MDGA1: variants seen among roughly 807,000 people sequenced by gnomAD.
MDGA1 encodes the protein MAM domain-containing glycosylphosphatidylinositol anchor protein 1.
A neutral mutation model predicts 101.5 loss-of-function variants in MDGA1; 54 were observed. The observed-to-expected ratio is 0.53, with a 90% CI of 0.43 to 0.67. The LOEUF is 0.67. MDGA1 is among the 30% of genes least tolerant of loss of function. MDGA1 has a pLI of 0.00. For missense variants in MDGA1, 1,083 were observed against 1,323.8 expected, an observed-to-expected ratio of 0.82 and a Z score of 2.82; for synonymous variants, 533 against 558.3, an observed-to-expected ratio of 0.95 and a Z score of 0.64.
chr6:37,675,154 T>C (rs1249864917), intron 1 of MDGA1, among the ~76,000 whole-genome samples: 1 of 152,214 alleles, frequency 6.6e-6, no homozygotes, highest in Non-Finnish European at 1.5e-5. Context: ...CACTGCTTGA[T>C]CAGAGGCTTT....
intron 14 of MDGA1, among the ~76,000 whole-genome samples, chr6:37,643,551 C>G (rs1209278197): frequency 6.6e-6 from 1 of 152,212 alleles, no homozygotes; most frequent in Non-Finnish European, 1.5e-5. Flanking sequence ...GGATTACAGG[C>G]GTGAGCCACC....
intron 9 of MDGA1, 34 bp downstream of exon 9, chr6:37,648,948 G>A (rs376880087): frequency 9.0e-5 from 139 of 1,540,338 alleles, no homozygotes; most frequent in Admixed American, 4.0e-5. Flanking sequence ...CCTGGTGGGC[G>A]TGGTAGGTGG....
At chr6:37,675,664 C>A (rs905817016) in intron 1 of MDGA1, among the ~76,000 whole-genome samples, 1 of 152,152 alleles carries the variant, frequency 6.6e-6, no homozygotes, top group African/African-American at 2.4e-5. Context: ...CCCATCAGGG[C>A]AGAGAATGAC....
rs755135410 is a variant in MDGA1, at chr6:37,654,287, G to C, written c.969C>G (p.Asn323Lys). Residue 323 changes from asparagine (N) to lysine (K), a missense_variant, in exon 6 of 17, where the codon AAC (asparagine) becomes AAG (lysine). Around this residue, in one of 3 missense-constraint regions of MDGA1, gnomAD observed 116 missense variants for 196.6 expected, o/e 0.59. Transcript: ENST00000434837. ...GAGGCCACGTACATCGCACCAGCAG[G>C]TTGACAGTCTTCTTGGCAGGGTTGC... ...NVGNPAKKTVNLLVRSMKNAT... is the reference protein window; with the variant it reads ...NVGNPAKKTVKLLVRSMKNAT... The C allele has an allele frequency of 2.6e-6, 4 of 1,553,482 alleles. No homozygotes were observed. Among genetic ancestry groups the C allele is most frequent in the South Asian group, 1.2e-5 (1 of 80,272 alleles).
rs749167602 is a variant in MDGA1 at position 37,637,345 on chromosome 6, G to T, written c.*23C>A. On this transcript the variant is annotated 3_prime_UTR_variant, in exon 17 of 17. Coordinates refer to ENST00000434837, the MANE Select transcript of MDGA1 (RefSeq NM_153487.4). ...CTTTGGTGTGCCGGGGGCAAGGTTG[G>T]GGGGGTGGCCACACAGCTCTCATCA... The T allele has an allele frequency of 3.1e-6, 5 of 1,589,764 alleles. No homozygotes were observed. The highest frequency in any genetic ancestry group is 2.2e-5 in the East Asian group (1 of 44,586).
rs1052006526 is a variant in MDGA1 at position 37,634,072 on chromosome 6, G to A, written c.*3296C>T. 2.0e-5 allele frequency: 3 copies of A among 153,016 alleles called. No homozygotes were observed. Among genetic ancestry groups the A allele is most frequent in the Non-Finnish European group, 4.4e-5 (3 of 68,378 alleles). The allele number at this position is 153,016 out of a possible 1,614,324, so 9.5% of individuals were successfully genotyped here. A position where few individuals can be genotyped will look rare whatever the true frequency, so the allele number is the denominator to read the frequency against. ...GGGTGGAAGGAGCATTCCAGGAGGA[G>A]GGGGCTTGGTCTTCAGGCTTCACTC... On this transcript the variant is annotated 3_prime_UTR_variant, in exon 17 of 17. Coordinates refer to ENST00000434837, the MANE Select transcript of MDGA1 (RefSeq NM_153487.4). The surrounding 1 kb of genome is among the most constrained non-coding windows in gnomAD (Gnocchi z 4.7).
intron 14 of MDGA1, among the ~76,000 whole-genome samples, chr6:37,641,532 G>A (rs1009520138): frequency 3.9e-5 from 6 of 152,120 alleles, no homozygotes; most frequent in Admixed American, 6.5e-5. Flanking sequence ...CTCCCCTTTC[G>A]CTATCTTGAC....
intron 1 of MDGA1, among the ~76,000 whole-genome samples, chr6:37,687,608 T>C (rs1050591396): frequency 5.3e-5 from 8 of 152,120 alleles, no homozygotes; most frequent in Non-Finnish European, 8.8e-5. Context: ...AATTGCTACT[T>C]TGTTCTCCAG....
chr6:37,643,728 G>C, intron 14 of MDGA1, 81 bp downstream of exon 14: 1 of 1,573,492 alleles, frequency 6.4e-7, no homozygotes, highest in Non-Finnish European at 8.6e-7. Context: ...ACATGGGCCA[G>C]CCCATCGCCT....
At position 37,650,321 on chromosome 6, in the gene MDGA1, C is replaced by A; in HGVS notation, c.1397G>T (p.Arg466Leu). Reference sequence around the variant, plus strand: ...GAGCACTGGCGGCCGCGGCTTGCCCCGCACCTCGCATTGCAGCTCGGCAGG... The same window carrying A: ...GAGCACTGGCGGCCGCGGCTTGCCCAGCACCTCGCATTGCAGCTCGGCAGG... Reference protein sequence around the residue: ...GSPAELQCEVRGKPRPPVLWS... With the variant: ...GSPAELQCEVLGKPRPPVLWS... Residue 466 changes from arginine to leucine, a missense_variant, in exon 8 of 17, where the codon CGG (arginine) becomes CTG (leucine). Physicochemically the swap from Arg to Leu is moderately radical, Grantham distance 102. Transcript: ENST00000434837. 1 of 1,588,902 alleles carries A rather than the reference C, an allele frequency of 6.3e-7. No individual in the cohort carries two copies. Among genetic ancestry groups the A allele is most frequent in the Middle Eastern group, 1.9e-4 (1 of 5,308 alleles).
At chr6:37,657,441 T>G (rs1327845555) in intron 3 of MDGA1, among the ~76,000 whole-genome samples, 2 of 152,220 alleles carry the variant, frequency 1.3e-5, no homozygotes, top group Non-Finnish European at 2.9e-5. Context: ...GTCCAGGCTA[T>G]GCCTGCCAGC....
intron 1 of MDGA1, among the ~76,000 whole-genome samples, chr6:37,680,906 A>T (rs890504793): frequency 3.3e-5 from 5 of 152,164 alleles, no homozygotes; most frequent in Non-Finnish European, 5.9e-5. Context: ...AACCAAATCC[A>T]CAACTGAGCT....
At position 37,654,816 on chromosome 6, in the gene MDGA1, C is replaced by T. The variant is rs373439257; in HGVS notation, c.696G>A (p.Arg232=). 33 of 1,613,598 alleles carry T rather than the reference C, an allele frequency of 2.0e-5. 1 individual carries two copies. The South Asian group carries it at 2.5e-4, about 12-fold the overall frequency. ...CGIPDKAITF[R]LTNTTAPPAL... ...TGCCTGTACCCGTGGTGTTGGTGAG[C>T]CGGAAGGTGATGGCCTTGTCTGGGA... is the stretch of plus-strand genomic sequence containing the variant. Residue 232 remains arginine (R), a synonymous_variant, in exon 5 of 17, where the codon CGG becomes CGA. Transcript: ENST00000434837.
chr6:37,672,298 T>A (rs542661833), intron 1 of MDGA1, among the ~76,000 whole-genome samples: 1,632 of 150,120 alleles, frequency 0.011, 29 homozygotes, highest in African/African-American at 0.037. Context: ...AAAAAAAAAA[T>A]TTTAATGAGC....
intron 1 of MDGA1, among the ~76,000 whole-genome samples, chr6:37,679,039 A>G (rs1014698682): frequency 6.6e-6 from 1 of 151,816 alleles, no homozygotes; most frequent in Non-Finnish European, 1.5e-5. Context: ...AGCATCAGGT[A>G]TATTTATAAA....
chr6:37,696,766 A>C lies in MDGA1; in HGVS notation c.46T>G (p.Cys16Gly). The C allele has an allele frequency of 6.3e-7, 1 of 1,584,542 alleles. No individual in the cohort carries two copies. Among genetic ancestry groups the C allele is most frequent in the South Asian group, 1.2e-5 (1 of 86,660 alleles). The change falls in exon 1 of 17, where the codon TGC becomes GGC. Residue 16 changes from cysteine (C) to glycine (G), a missense_variant. By Grantham distance (159) the Cys-to-Gly change is radical (BLOSUM62 -3). Coordinates refer to ENST00000434837, the MANE Select transcript of MDGA1 (RefSeq NM_153487.4). The surrounding 1 kb of genome is among the most constrained non-coding windows in gnomAD (Gnocchi z 5.6). ...TTACCGTAGACTCCTTGTCCCCGGC[A>C]GTGGAAGGGGATCAGCGCCAGAAGT... ...LLLLALIPFH[C>G]RGQGVYAPAQ...
At chr6:37,691,101 T>A (rs1762299839) in intron 1 of MDGA1, among the ~76,000 whole-genome samples, 1 of 152,160 alleles carries the variant, frequency 6.6e-6, no homozygotes, top group Admixed American at 6.5e-5. Context: ...CCCTTCTCCT[T>A]CCATCTTATT....
chr6:37,647,590 G>A (rs1761240755), intron 9 of MDGA1, among the ~76,000 whole-genome samples: 1 of 151,566 alleles, frequency 6.6e-6, no homozygotes, highest in Non-Finnish European at 1.5e-5. Context: ...AGAAAGGCAG[G>A]CCGAGAAAAA....
chr6:37,638,169 C>T lies in MDGA1; in HGVS notation c.2776+36G>A, dbSNP rs751033722. ...AACCCCCGCCACGCACAGCTCCCTC[C>T]AGATTCAGCTCCCCCACCTCCTTCC... is the stretch of plus-strand genomic sequence containing the variant. On this transcript the variant is annotated intron_variant, in intron 16 of 16. Transcript: ENST00000434837. This position sits in a 1 kb window ranked among gnomAD's most constrained non-coding sequence, Gnocchi z 4.8. 6 of 1,576,518 alleles carry T rather than the reference C, an allele frequency of 3.8e-6. No homozygotes were observed. Among genetic ancestry groups the T allele is most frequent in the African/African-American group, 1.3e-5 (1 of 74,150 alleles).
Sources: gnomAD v4.1 joint callset for allele counts (sites outside exome capture counted in the v4.1 genomes callset) on GRCh38, gnomAD v4.1.1 for gene constraint, gnomAD v4.1.1 regional missense constraint, Gnocchi (gnomAD v3.1) non-coding constraint, MANE v1.5 for transcripts, NCBI Gene and HGNC (gene_info 2026-07-23, HGNC 2026-07-21) for gene names.